The following LRRN2 variants were observed in gnomAD, a reference collection of about 807,000 sequenced individuals.
LRRN2 encodes leucine rich repeat neuronal 2, also known as leucine-rich repeat neuronal protein 2.
A neutral mutation model predicts 35.7 loss-of-function variants in LRRN2; 10 were observed. The ratio of observed to expected loss-of-function variants is 0.28; its 90% CI spans 0.17 to 0.47. The LOEUF (loss-of-function observed/expected upper bound fraction) is 0.47, where lower values mean the gene tolerates loss of function less well. Among genes scored for constraint, LRRN2 ranks in the 20% least tolerant of loss-of-function variants. The pLI is 0.99. For synonymous variants in LRRN2, 391 were observed against 409.6 expected (o/e 0.95, Z 0.55); for missense variants, 731 against 940.3 (o/e 0.78, Z 2.91).
At chr1:204,648,981 G>A (rs1189145135) in intron 1 of LRRN2, among the ~76,000 whole-genome samples, 1 of 152,222 alleles carries the variant, frequency 6.6e-6, no homozygotes, top group Non-Finnish European at 1.5e-5. Flanking sequence ...GATGAGGTCA[G>A]GCCAGAGTCA....
At chr1:204,649,003 G>A (rs1409181417) in intron 1 of LRRN2, among the ~76,000 whole-genome samples, 1 of 152,236 alleles carries the variant, frequency 6.6e-6, no homozygotes, top group East Asian at 1.9e-4. Flanking sequence ...CAGAAGTCAG[G>A]TGGATGCACC....
At chr1:204,656,429 T>C (rs945015853) in intron 1 of LRRN2, among the ~76,000 whole-genome samples, 2 of 152,238 alleles carry the variant, frequency 1.3e-5, no homozygotes, top group Non-Finnish European at 2.9e-5. Context: ...TTCAGGCTTT[T>C]TCTTATGATA....
intron 1 of LRRN2, among the ~76,000 whole-genome samples, chr1:204,625,864 CTCTT>C (rs1009598882): frequency 6.6e-6 from 1 of 152,252 alleles, no homozygotes; most frequent in South Asian, 2.1e-4. Flanking sequence ...ATTCTTCTCT[CTCTT>C]TCTAGAGTTC....
intron 1 of LRRN2, among the ~76,000 whole-genome samples, chr1:204,643,244 C>T (rs181689158): frequency 3.9e-5 from 6 of 152,364 alleles, no homozygotes; most frequent in Admixed American, 3.3e-4. Flanking sequence ...GTTCCCCCAG[C>T]ATCTCCAGAG....
intron 1 of LRRN2, among the ~76,000 whole-genome samples, chr1:204,674,768 G>A (rs1056074588): frequency 3.3e-5 from 5 of 152,136 alleles, no homozygotes; most frequent in African/African-American, 9.7e-5. Flanking sequence ...CAAAGAACAC[G>A]GACAGATCTG....
chr1:204,654,094 T>C (rs187907398), intron 1 of LRRN2, among the ~76,000 whole-genome samples: 1 of 150,206 alleles, frequency 6.7e-6, no homozygotes, highest in Non-Finnish European at 1.5e-5. Flanking sequence ...GTCAAACAGC[T>C]GAAGCTGGGA....
chr1:204,681,257 G>A (rs1399331287), intron 1 of LRRN2, among the ~76,000 whole-genome samples: 2 of 152,018 alleles, frequency 1.3e-5, no homozygotes, highest in African/African-American at 2.4e-5. Flanking sequence ...GCTGAGAGTC[G>A]CCTTTTTATC....
chr1:204,631,778 G>T (rs1667710930), intron 1 of LRRN2, among the ~76,000 whole-genome samples: 2 of 152,246 alleles, frequency 1.3e-5, no homozygotes, highest in South Asian at 4.1e-4. Context: ...AAGGTCCCAA[G>T]ATTCAAACAT....
chr1:204,685,585 T>A lies in LRRN2; in HGVS notation c.-492A>T. On this transcript the variant is annotated 5_prime_UTR_variant, in exon 1 of 2. Transcript: ENST00000367177. ...CCCTGGGCGCGTCGCGGCCGGAGGC[T>A]GGCGGGCGAGAGCCAGGCGCTCCTT... is the stretch of plus-strand genomic sequence containing the variant. 6.6e-6 allele frequency: 1 copy of A among 151,900 alleles called. No homozygotes were observed. The highest frequency in any genetic ancestry group is 1.5e-5 in the Non-Finnish European group (1 of 68,008). 9.4% of individuals were successfully genotyped at this position (151,900 alleles called of 1,614,324 possible).
intron 1 of LRRN2, among the ~76,000 whole-genome samples, chr1:204,650,816 G>T (rs1381742582): frequency 1.3e-5 from 2 of 152,086 alleles, no homozygotes; most frequent in Non-Finnish European, 2.9e-5. Context: ...ATTTTACTTG[G>T]GGGGATAGAT....
chr1:204,653,697 C>CA (rs1668281908), intron 1 of LRRN2, among the ~76,000 whole-genome samples: 1 of 151,318 alleles, frequency 6.6e-6, no homozygotes, highest in Non-Finnish European at 1.5e-5. Context: ...TCTGTCTCCA[C>CA]AAAATATTTA....
At chr1:204,673,157 T>A (rs1008970748) in intron 1 of LRRN2, among the ~76,000 whole-genome samples, 1 of 152,186 alleles carries the variant, frequency 6.6e-6, no homozygotes, top group East Asian at 1.9e-4. Context: ...AAGACCCACT[T>A]GGCCCTGTAC....
At chr1:204,659,419 G>A (rs188499292) in intron 1 of LRRN2, among the ~76,000 whole-genome samples, 10 of 152,296 alleles carry the variant, frequency 6.6e-5, no homozygotes, top group Admixed American at 1.3e-4. Context: ...ACCCTGCATG[G>A]AGCCCGGCCT....
intron 1 of LRRN2, chr1:204,628,907 C>T (rs1160595128): frequency 2.0e-5 from 3 of 152,338 alleles, no homozygotes; most frequent in African/African-American, 4.8e-5. Flanking sequence ...GCGCCCCTCC[C>T]AGAAGAGTTC....
At position 204,631,256 on chromosome 1, in the gene LRRN2, C is replaced by CTATATATATATATATA. The variant is rs1162626713; in HGVS notation, c.-226-11054_-226-11039dup. The stretch of plus-strand genomic sequence containing the variant: ...CAAGAAGAGTGATACCTAGAGTGTT[C>CTATATATATATATATA]TATATATATATATATATATATATAT... On this transcript the variant is annotated intron_variant, in intron 1 of 1. Coordinates refer to ENST00000367177, the MANE Select transcript of LRRN2 (RefSeq NM_201630.2). Among the ~76,000 whole-genome samples, 23 of 36,892 alleles carry CTATATATATATATATA rather than the reference C, an allele frequency of 6.2e-4. 1 individual carries two copies. Among genetic ancestry groups the CTATATATATATATATA allele is most frequent in the African/African-American group, 7.7e-4 (8 of 10,422 alleles). The allele number at this position is 36,892 out of a possible 152,430, so 24.2% of individuals were successfully genotyped here.
chr1:204,636,943 A>T (rs1667849344), intron 1 of LRRN2, among the ~76,000 whole-genome samples: 2 of 152,232 alleles, frequency 1.3e-5, no homozygotes, highest in South Asian at 4.1e-4. Context: ...GTTGATACTG[A>T]AATATTTAGG....
chr1:204,663,353 A>G (rs2815829), intron 1 of LRRN2, among the ~76,000 whole-genome samples: 137,046 of 152,208 alleles, frequency 0.9, 61,993 homozygotes, highest in East Asian at 0.99. Context: ...ACTTGGCCGG[A>G]AAGGAGTTAA....
intron 1 of LRRN2, among the ~76,000 whole-genome samples, chr1:204,660,241 AGCTCCACCCTCG>A (rs1296690728): frequency 6.7e-6 from 1 of 149,696 alleles, no homozygotes; most frequent in Non-Finnish European, 1.5e-5. Context: ...TTCTCCTTCC[AGCTCCACCCTCG>A]TTTCTCCTTC....
At chr1:204,677,861 T>C (rs966851074) in intron 1 of LRRN2, among the ~76,000 whole-genome samples, 1 of 152,060 alleles carries the variant, frequency 6.6e-6, no homozygotes, top group African/African-American at 2.4e-5. Context: ...ACAGGGGGCA[T>C]TGGAAACCCA....
Sources: allele counts gnomAD v4.1 joint callset (sites outside exome capture counted in the v4.1 genomes callset), GRCh38; gene constraint gnomAD v4.1.1; transcripts MANE v1.5; gene names NCBI Gene and HGNC (gene_info 2026-07-23, HGNC 2026-07-21).